The following PCDHGA5 variants were observed in gnomAD, a reference collection of about 807,000 sequenced individuals.
PCDHGA5 encodes protocadherin gamma subfamily A, 5.
A neutral mutation model predicts 56.7 loss-of-function variants in PCDHGA5; 36 were observed. The observed-to-expected ratio is 0.64, with a 90% CI of 0.49 to 0.84. The LOEUF is 0.84. PCDHGA5 is among the 40% of genes least tolerant of loss of function. The pLI, the probability that PCDHGA5 is intolerant of heterozygous loss-of-function variation, is 0.00. For synonymous variants in PCDHGA5, 563 were observed against 520.2 expected, an observed-to-expected ratio of 1.08 and a Z score of -1.12; for missense variants, 1,305 against 1,201.5, an observed-to-expected ratio of 1.09 and a Z score of -1.27.
In PCDHGA5 at chr5:141,511,296, A is replaced by C; in HGVS notation, c.*123A>C. 1 of 1,505,968 alleles carries C rather than the reference A, an allele frequency of 6.6e-7. No individual in the cohort carries two copies. The allele number at this position is 1,505,968 out of a possible 1,614,324, so 93.3% of individuals were successfully genotyped here. On this transcript the variant is annotated 3_prime_UTR_variant, in exon 4 of 4. Coordinates refer to ENST00000518069, the MANE Select transcript of PCDHGA5 (RefSeq NM_018918.3). ...CAGAATACTGGTAGGGGCCAAGGCCATGCTCCCCTTGGGAAACAGAAACAA... is the reference window on the plus strand; with the variant it reads ...CAGAATACTGGTAGGGGCCAAGGCCCTGCTCCCCTTGGGAAACAGAAACAA...
intron 1 of PCDHGA5, among the ~76,000 whole-genome samples, chr5:141,462,269 T>C (rs2099036247): frequency 6.6e-6 from 1 of 152,230 alleles, no homozygotes; most frequent in Admixed American, 6.5e-5. Context: ...CTAAAGTGTA[T>C]TGTTTAGTCA....
At chr5:141,455,058 C>G (rs1350223657) in intron 1 of PCDHGA5, among the ~76,000 whole-genome samples, 9 of 151,814 alleles carry the variant, frequency 5.9e-5, no homozygotes, top group Admixed American at 5.9e-4. Context: ...GTGATCCGCC[C>G]GCCTCGGCCT....
intron 1 of PCDHGA5, chr5:141,398,380 C>G: frequency 6.9e-7 from 1 of 1,455,908 alleles, no homozygotes; most frequent in South Asian, 1.2e-5. Flanking sequence ...CGGGGAGTTG[C>G]TTGTGAGCAG....
chr5:141,439,709 A>G (rs2098127560), intron 1 of PCDHGA5: 1 of 152,540 alleles, frequency 6.6e-6, no homozygotes, highest in African/African-American at 2.4e-5. Context: ...TATGGCTCCT[A>G]GTTCTACAAA....
chr5:141,415,044 G>T, intron 1 of PCDHGA5: 2 of 1,613,506 alleles, frequency 1.2e-6, no homozygotes, highest in East Asian at 2.2e-5. Flanking sequence ...TCTTCGCGGT[G>T]GGGGAGCACA....
intron 1 of PCDHGA5, chr5:141,370,872 C>A (rs201155008): frequency 6.2e-7 from 1 of 1,614,014 alleles, no homozygotes; most frequent in Admixed American, 1.7e-5. Flanking sequence ...TGCGCAAGAT[C>A]CTGATGTAGG....
At chr5:141,394,180 C>T in intron 1 of PCDHGA5, 2 of 1,613,948 alleles carry the variant, frequency 1.2e-6, no homozygotes, top group Non-Finnish European at 1.7e-6. Context: ...CCTCATGCCT[C>T]CTACTCAGCG....
At chr5:141,457,125 C>T (rs1011977795) in intron 1 of PCDHGA5, among the ~76,000 whole-genome samples, 3 of 152,236 alleles carry the variant, frequency 2.0e-5, no homozygotes, top group Admixed American at 6.5e-5. Flanking sequence ...GCAATGGAAA[C>T]TCTGTCCAAT....
At chr5:141,441,187 AT>A (rs1349788972) in intron 1 of PCDHGA5, 1 of 152,214 alleles carries the variant, frequency 6.6e-6, no homozygotes, top group Non-Finnish European at 1.5e-5. Context: ...TTCCACAATG[AT>A]TCCCAAAGAT....
chr5:141,392,929 C>G, intron 1 of PCDHGA5: 2 of 1,613,888 alleles, frequency 1.2e-6, no homozygotes, highest in Non-Finnish European at 1.7e-6. Context: ...CCAGAAGAGA[C>G]GGACAAAGGC....
At chr5:141,375,248 A>G (rs1487300196) in intron 1 of PCDHGA5, 2 of 1,613,948 alleles carry the variant, frequency 1.2e-6, no homozygotes, top group South Asian at 2.2e-5. Flanking sequence ...CATCCCGAGA[A>G]GTCTCCCATT....
At chr5:141,427,951 A>G in intron 1 of PCDHGA5, 1 of 1,586,612 alleles carries the variant, frequency 6.3e-7, no homozygotes, top group Non-Finnish European at 8.6e-7. Flanking sequence ...CTCAATGACA[A>G]TGTGCCGCGG....
intron 1 of PCDHGA5, chr5:141,423,007 G>C (rs772337723): frequency 1.9e-6 from 3 of 1,614,242 alleles, no homozygotes; most frequent in Non-Finnish European, 2.5e-6. Flanking sequence ...CAAGGTGGTT[G>C]CGGTGGACAA....
chr5:141,455,104 G>A (rs2098813087), intron 1 of PCDHGA5, among the ~76,000 whole-genome samples: 1 of 151,888 alleles, frequency 6.6e-6, no homozygotes, highest in East Asian at 1.9e-4. Flanking sequence ...GAGCCACTGC[G>A]CCCGGTGGGT....
chr5:141,474,955 T>C (rs2099356879), intron 1 of PCDHGA5, among the ~76,000 whole-genome samples: 1 of 152,254 alleles, frequency 6.6e-6, no homozygotes, highest in African/African-American at 2.4e-5. Context: ...TTTTATTCAC[T>C]ATCCTAATCA....
At chr5:141,409,638 C>A (rs1040366842) in intron 1 of PCDHGA5, 1 of 1,613,648 alleles carries the variant, frequency 6.2e-7, no homozygotes, top group Admixed American at 1.7e-5. Flanking sequence ...GCCTCTGACC[C>A]GGATTTGGGG....
intron 2 of PCDHGA5, among the ~76,000 whole-genome samples, chr5:141,502,352 C>G (rs544911376): frequency 3.2e-4 from 49 of 151,888 alleles, no homozygotes; most frequent in African/African-American, 1.2e-3. Flanking sequence ...TTTTTAATGA[C>G]ATGGATATTT....
At chr5:141,450,831 T>TA (rs761717068) in intron 1 of PCDHGA5, among the ~76,000 whole-genome samples, 7,796 of 144,584 alleles carry the variant, frequency 0.054, 354 homozygotes, top group African/African-American at 0.12. Context: ...TTATTATTAT[T>TA]TTTTTTTTTT....
At chr5:141,450,241 C>T (rs1236675009) in intron 1 of PCDHGA5, among the ~76,000 whole-genome samples, 1 of 152,094 alleles carries the variant, frequency 6.6e-6, no homozygotes, top group East Asian at 1.9e-4. Flanking sequence ...TAGTCTTGAA[C>T]TCCTGACCTC....
Sources: allele counts gnomAD v4.1 joint callset (sites outside exome capture counted in the v4.1 genomes callset), GRCh38; gene constraint gnomAD v4.1.1; transcripts MANE v1.5; gene names NCBI Gene and HGNC (gene_info 2026-07-23, HGNC 2026-07-21).